The following SHLD1 variants were observed in gnomAD, a reference collection of about 807,000 sequenced individuals.
SHLD1 encodes shieldin complex subunit 1.
A neutral mutation model predicts 5.5 loss-of-function variants in SHLD1; 3 were observed. That is an observed-to-expected ratio of 0.54 (90% CI 0.25 to 1.40). The LOEUF (loss-of-function observed/expected upper bound fraction) is 1.40. Among genes scored for constraint, SHLD1 ranks in the 40% most tolerant of loss-of-function variants. SHLD1 has a pLI of 0.15. For synonymous variants in SHLD1, 92 were observed against 94.3 expected, an observed-to-expected ratio of 0.98 and a Z score of 0.14; for missense variants, 210 against 244.4, an observed-to-expected ratio of 0.86 and a Z score of 0.94.
intron 2 of SHLD1, among the ~76,000 whole-genome samples, chr20:5,795,949 A>T: frequency 6.6e-6 from 1 of 151,134 alleles, no homozygotes; most frequent in Middle Eastern, 3.5e-3. Flanking sequence ...CCGAGATCGC[A>T]CCACTGCACT....
chr20:5,804,607 G>A (rs949411993), intron 2 of SHLD1, among the ~76,000 whole-genome samples: 4 of 152,156 alleles, frequency 2.6e-5, no homozygotes, highest in African/African-American at 9.7e-5. Context: ...TTCCATTGCA[G>A]AAATCATACT....
At position 5,757,910 on chromosome 20, in the gene SHLD1, A is replaced by G. The variant is rs115256433; in HGVS notation, c.-5+7431A>G. On this transcript the variant is annotated intron_variant, in intron 1 of 2. Transcript: ENST00000303142. ...GAGCCACCATGCCCAGTCCACATCA[A>G]TTATTTTCAAATGTTAAAACAACTT... Among the ~76,000 whole-genome samples, 469 of 152,266 alleles carry G rather than the reference A, an allele frequency of 3.1e-3. 5 individuals are homozygous for G. Among genetic ancestry groups the G allele is most frequent in the African/African-American group, 0.011 (452 of 41,570 alleles).
chr20:5,852,130 G>GT (rs2088018873), intron 2 of SHLD1, among the ~76,000 whole-genome samples: 1 of 152,094 alleles, frequency 6.6e-6, no homozygotes, highest in Admixed American at 6.5e-5. Flanking sequence ...CGCCATGCTT[G>GT]TACAGCCTGC....
chr20:5,799,754 G>A (rs571219995), intron 2 of SHLD1, among the ~76,000 whole-genome samples: 45 of 152,114 alleles, frequency 3.0e-4, no homozygotes, highest in Non-Finnish European at 5.6e-4. Context: ...CCTTCATGAA[G>A]TGTAAGTCTT....
At chr20:5,787,332 A>G (rs1390334935) in intron 2 of SHLD1, among the ~76,000 whole-genome samples, 1 of 152,186 alleles carries the variant, frequency 6.6e-6, no homozygotes, top group African/African-American at 2.4e-5. Flanking sequence ...TACCCAGAAG[A>G]AATTTTCTCA....
chr20:5,793,633 GT>G (rs1380515437), intron 2 of SHLD1, among the ~76,000 whole-genome samples: 1 of 152,184 alleles, frequency 6.6e-6, no homozygotes, highest in Non-Finnish European at 1.5e-5. Flanking sequence ...TTAGGGTAAA[GT>G]ATGAAACAAG....
In SHLD1 at chr20:5,841,170, AGTGTGTGTGTGT is replaced by A. The variant is rs11469039; in HGVS notation, c.179-21832_179-21821del. ...CATCCATAACTTACTGAAAATAGCG[AGTGTGTGTGTGT>A]GTGTGTGTGTGTGTGTGTGTGCACA... On this transcript the variant is annotated intron_variant, in intron 2 of 2. Transcript: ENST00000303142. Among the ~76,000 whole-genome samples, 390 of 146,404 alleles carry A rather than the reference AGTGTGTGTGTGT, an allele frequency of 2.7e-3. 2 individuals carry two copies. Among genetic ancestry groups the A allele is most frequent in the African/African-American group, 8.9e-3 (360 of 40,520 alleles).
At chr20:5,837,795 A>G (rs1018052020) in intron 2 of SHLD1, among the ~76,000 whole-genome samples, 8 of 151,394 alleles carry the variant, frequency 5.3e-5, no homozygotes, top group Non-Finnish European at 1.0e-4. Flanking sequence ...TGACATACCT[A>G]ATTTTTCTTA....
rs570680134 is a variant in SHLD1 at position 5,760,780 on chromosome 20, G to A, written c.-5+10301G>A. ...AGGAGGGTCTGCATTGAAGAAGAGT[G>A]GAGAAAACATGAAGTGGTCAAGGAG... On this transcript the variant is annotated intron_variant, in intron 1 of 2. Coordinates refer to ENST00000303142, the MANE Select transcript of SHLD1 (RefSeq NM_152504.4). 5.3e-5 allele frequency among the ~76,000 whole-genome samples: 8 copies of A among 152,178 alleles called. No homozygotes were observed. The South Asian group carries it at 1.7e-3, about 32-fold the overall frequency.
intron 2 of SHLD1, among the ~76,000 whole-genome samples, chr20:5,844,770 C>CATATATATATAT (rs150675433): frequency 2.3e-4 from 23 of 101,044 alleles, no homozygotes; most frequent in East Asian, 6.5e-4. Context: ...GTGTAGTAGA[C>CATATATATATAT]ATATATATAT....
At chr20:5,854,338 G>C (rs1377179197) in intron 2 of SHLD1, among the ~76,000 whole-genome samples, 1 of 152,126 alleles carries the variant, frequency 6.6e-6, no homozygotes, top group Non-Finnish European at 1.5e-5. Flanking sequence ...GGTAGAGACA[G>C]GGTTTCGCCA....
In SHLD1 at chr20:5,806,227, A is replaced by G. The variant is rs2087373450; in HGVS notation, c.178+33184A>G. On this transcript the variant is annotated intron_variant, in intron 2 of 2. Coordinates refer to ENST00000303142, the MANE Select transcript of SHLD1 (RefSeq NM_152504.4). The surrounding 1 kb of genome is among the most constrained non-coding windows in gnomAD (Gnocchi z 7.6). ...TTATGGGGACAATAATATCTACCTG[A>G]TGGGTGGACACATAGTAGCTGACAT... 6.6e-6 allele frequency among the ~76,000 whole-genome samples: 1 copy of G among 152,132 alleles called. No individual in the cohort carries two copies. The highest frequency in any genetic ancestry group is 6.6e-5 in the Admixed American group (1 of 15,260).
intron 2 of SHLD1, among the ~76,000 whole-genome samples, chr20:5,856,327 AACAG>A (rs1238845392): frequency 6.6e-6 from 1 of 152,248 alleles, no homozygotes; most frequent in Non-Finnish European, 1.5e-5. Context: ...GAGGCAGTGA[AACAG>A]ACAGAGTGGT....
At chr20:5,765,769 CTTTTTTTTTTTT>C (rs756234026) in intron 1 of SHLD1, among the ~76,000 whole-genome samples, 18 of 62,094 alleles carry the variant, frequency 2.9e-4, no homozygotes, top group African/African-American at 1.0e-3. Flanking sequence ...CGCACAAATC[CTTTTTTTTTTTT>C]TTTTTTTTTT....
At chr20:5,840,773 CT>C (rs1391097344) in intron 2 of SHLD1, among the ~76,000 whole-genome samples, 2 of 152,184 alleles carry the variant, frequency 1.3e-5, no homozygotes, top group African/African-American at 4.8e-5. Flanking sequence ...CTTAATATGT[CT>C]TTTTGCTTGA....
chr20:5,810,306 G>A (rs1012331812), intron 2 of SHLD1, among the ~76,000 whole-genome samples: 1 of 151,836 alleles, frequency 6.6e-6, no homozygotes, highest in Admixed American at 6.6e-5. Flanking sequence ...CTTAGACATC[G>A]AGTAACTAAG....
Position 5,855,406 on chromosome 20 carries a change from C to G in SHLD1, c.179-7618C>G, listed in dbSNP as rs1187778215. Among the ~76,000 whole-genome samples, 1 of 152,194 alleles carries G rather than the reference C, an allele frequency of 6.6e-6. No individual in the cohort carries two copies. On this transcript the variant is annotated intron_variant, in intron 2 of 2. Coordinates refer to ENST00000303142, the MANE Select transcript of SHLD1 (RefSeq NM_152504.4). The surrounding 1 kb of genome is among the most constrained non-coding windows in gnomAD (Gnocchi z 4.4). Reference sequence around the variant, plus strand: ...TTTATTTTTGAGACAGAGTCTCGCTCTGTCACCTAGACTGGAGTACAGTGG... The same window carrying G: ...TTTATTTTTGAGACAGAGTCTCGCTGTGTCACCTAGACTGGAGTACAGTGG...
rs761567360 is a variant in SHLD1 at position 5,772,953 on chromosome 20, G to A, written c.88G>A (p.Val30Ile). The change falls in exon 2 of 3, where the codon GTC becomes ATC. Residue 30 changes from valine (V) to isoleucine (I), a missense_variant. Coordinates refer to ENST00000303142, the MANE Select transcript of SHLD1 (RefSeq NM_152504.4). Reference protein sequence around the residue: ...LPSACDIRDYVLQGPSQEANS... With the variant: ...LPSACDIRDYILQGPSQEANS... ...ATCAGCGTGTGACATAAGAGATTAC[G>A]TCCTGCAGGGACCCAGCCAAGAAGC... 8.7e-6 allele frequency: 14 copies of A among 1,613,998 alleles called. No individual in the cohort carries two copies. The East Asian group carries it at 8.9e-5, about 10-fold the overall frequency.
intron 1 of SHLD1, among the ~76,000 whole-genome samples, chr20:5,757,063 CTTTCTTTCT>C (rs1984157669): frequency 7.0e-6 from 1 of 142,486 alleles, no homozygotes; most frequent in South Asian, 2.2e-4. Flanking sequence ...TTCTTTTTTT[CTTTCTTTCT>C]TTTTTTTTTT....
Sources: allele counts gnomAD v4.1 joint callset (sites outside exome capture counted in the v4.1 genomes callset), GRCh38; gene constraint gnomAD v4.1.1; non-coding constraint Gnocchi (gnomAD v3.1); transcripts MANE v1.5; gene names NCBI Gene and HGNC (gene_info 2026-07-23, HGNC 2026-07-21).